Variants in PDE4D observed in about 807,000 individuals in gnomAD.
PDE4D encodes the protein 3',5'-cyclic-AMP phosphodiesterase 4D.
PDE4D carries 24 observed loss-of-function variants against 87.4 expected under a neutral mutation model. The ratio of observed to expected loss-of-function variants is 0.27; its 90% CI spans 0.20 to 0.39. PDE4D has a LOEUF of 0.39. Among genes scored for constraint, PDE4D ranks in the 10% least tolerant of loss-of-function variants. The pLI is 1.00. For missense variants in PDE4D, 714 were observed against 1,041.0 expected (o/e 0.69, Z 4.32); for synonymous variants, 384 against 383.2 (o/e 1.00, Z -0.02).
intron 5 of PDE4D, among the ~76,000 whole-genome samples, chr5:59,171,912 A>G (rs928271117): frequency 2.5e-5 from 3 of 122,008 alleles, no homozygotes; most frequent in African/African-American, 9.9e-5. Context: ...ATATATGAGA[A>G]ATACATTATA....
Position 60,067,929 on chromosome 5 carries a change from G to A in PDE4D, c.43-79212C>T, listed in dbSNP as rs575386226. On this transcript the variant is annotated intron_variant, in intron 2 of 16. Transcript: ENST00000502484. ...CCTGCTTTTTTAAGGCTGAATAATA[G>A]TCCACTATTTATATACCATATTTTC... 3.3e-5 allele frequency among the ~76,000 whole-genome samples: 5 copies of A among 152,218 alleles called. No homozygotes were observed. The East Asian group carries it at 9.6e-4, about 29-fold the overall frequency.
intron 1 of PDE4D, among the ~76,000 whole-genome samples, chr5:60,297,394 C>G (rs1753503012): frequency 6.6e-6 from 1 of 152,008 alleles, no homozygotes; most frequent in South Asian, 2.1e-4. Flanking sequence ...TTTCTAAGAT[C>G]CACTATGAAT....
At chr5:60,328,512 G>A (rs1204759979) in intron 1 of PDE4D, among the ~76,000 whole-genome samples, 2 of 152,088 alleles carry the variant, frequency 1.3e-5, no homozygotes, top group African/African-American at 2.4e-5. Context: ...TTTCATTGCT[G>A]TATAATATTT....
At chr5:59,025,782 C>T (rs916769771) in intron 6 of PDE4D, among the ~76,000 whole-genome samples, 23 of 152,364 alleles carry the variant, frequency 1.5e-4, no homozygotes, top group Admixed American at 1.4e-3. Flanking sequence ...CCTGCACTTA[C>T]TCCAATATGG....
chr5:60,398,531 G>A (rs1333945760), intron 1 of PDE4D, among the ~76,000 whole-genome samples: 1 of 152,114 alleles, frequency 6.6e-6, no homozygotes, highest in Non-Finnish European at 1.5e-5. Flanking sequence ...GTACCATAGA[G>A]TTAGCTATCG....
chr5:60,057,241 A>G (rs1770879205), intron 2 of PDE4D, among the ~76,000 whole-genome samples: 1 of 152,090 alleles, frequency 6.6e-6, no homozygotes, highest in Non-Finnish European at 1.5e-5. Flanking sequence ...AAATGAAAAT[A>G]AAGATCAGTA....
chr5:60,373,208 A>G (rs1237488551), intron 1 of PDE4D, among the ~76,000 whole-genome samples: 1 of 152,234 alleles, frequency 6.6e-6, no homozygotes, highest in South Asian at 2.1e-4. Context: ...TAAATTGTCT[A>G]GAGTTAAATA....
At chr5:59,239,172 T>C (rs1261229403) in intron 1 of PDE4D, among the ~76,000 whole-genome samples, 1 of 152,244 alleles carries the variant, frequency 6.6e-6, no homozygotes, top group East Asian at 1.9e-4. Context: ...GGTGCTGTAC[T>C]GCTGTCTGTT....
intron 1 of PDE4D, chr5:59,586,946 A>G: frequency 2.0e-6 from 2 of 985,430 alleles, no homozygotes; most frequent in Non-Finnish European, 2.4e-6. Context: ...CGTGTCGGAC[A>G]AAGGCCTGGG....
At chr5:59,399,169 A>C (rs1454395351) in intron 1 of PDE4D, among the ~76,000 whole-genome samples, 2 of 135,208 alleles carry the variant, frequency 1.5e-5, no homozygotes, top group Non-Finnish European at 3.3e-5. Flanking sequence ...AGGTAATTTA[A>C]AGATTCAATG....
At chr5:59,454,020 C>A (rs975423430) in intron 1 of PDE4D, among the ~76,000 whole-genome samples, 7 of 152,170 alleles carry the variant, frequency 4.6e-5, no homozygotes, top group Non-Finnish European at 1.0e-4. Flanking sequence ...GTCTAATAAT[C>A]CTGGGGCCAT....
chr5:60,173,868 A>C (rs1000529851), intron 2 of PDE4D, among the ~76,000 whole-genome samples: 2 of 152,106 alleles, frequency 1.3e-5, no homozygotes, highest in East Asian at 3.9e-4. Context: ...ACTCAGAAAT[A>C]TGTGCCCACA....
At chr5:59,422,026 T>C (rs1794560751) in intron 1 of PDE4D, among the ~76,000 whole-genome samples, 1 of 152,110 alleles carries the variant, frequency 6.6e-6, no homozygotes. Flanking sequence ...TACATAAATA[T>C]GTAATTGCAA....
chr5:59,320,167 T>TGC (rs917972165), intron 1 of PDE4D, among the ~76,000 whole-genome samples: 5 of 152,052 alleles, frequency 3.3e-5, no homozygotes, highest in African/African-American at 4.8e-5. Flanking sequence ...TGTGTGTGTG[T>TGC]GCACGCGCAT....
intron 3 of PDE4D, among the ~76,000 whole-genome samples, chr5:59,962,236 A>T (rs1466198581): frequency 6.6e-6 from 1 of 152,194 alleles, no homozygotes; most frequent in East Asian, 1.9e-4. Context: ...TAAGAGAAAG[A>T]GATAAATTTC....
At chr5:59,841,262 G>A (rs1398426255) in intron 1 of PDE4D, among the ~76,000 whole-genome samples, 5 of 152,032 alleles carry the variant, frequency 3.3e-5, no homozygotes, top group Admixed American at 3.3e-4. Context: ...GAGGGAAGGA[G>A]TTACTGTAGT....
intron 2 of PDE4D, among the ~76,000 whole-genome samples, chr5:60,105,618 T>C (rs1299411314): frequency 6.6e-6 from 1 of 152,044 alleles, no homozygotes; most frequent in African/African-American, 2.4e-5. Flanking sequence ...GAGAGAAAGG[T>C]TGGGTTACCT....
intron 2 of PDE4D, among the ~76,000 whole-genome samples, chr5:60,110,075 G>A (rs753395507): frequency 2.2e-4 from 33 of 152,052 alleles, no homozygotes; most frequent in Non-Finnish European, 2.8e-4. Flanking sequence ...TGGAATGAGC[G>A]AAGTGGTACT....
chr5:59,895,469 G>T (rs920059943), upstream of PDE4D, among the ~76,000 whole-genome samples: 3 of 152,182 alleles, frequency 2.0e-5, no homozygotes, highest in Non-Finnish European at 2.9e-5. Context: ...CACTGTGTAG[G>T]ATTAAACCAT....
Sources: allele counts gnomAD v4.1 joint callset (sites outside exome capture counted in the v4.1 genomes callset), GRCh38; gene constraint gnomAD v4.1.1; transcripts MANE v1.5; gene names NCBI Gene and HGNC (gene_info 2026-07-23, HGNC 2026-07-21).